Variants in PBX1 observed in about 807,000 individuals in gnomAD.
PBX1 encodes the protein PBX homeobox 1.
Under a neutral mutation model 53.4 loss-of-function variants are expected in PBX1, and 6 were observed. The ratio of observed to expected loss-of-function variants is 0.11; its 90% CI spans 0.06 to 0.22. The LOEUF (loss-of-function observed/expected upper bound fraction) is 0.22, where lower values mean the gene tolerates loss of function less well. Ranked by LOEUF, PBX1 falls within the 10% of genes least tolerant of loss-of-function variation. PBX1 has a pLI of 1.00. For synonymous variants in PBX1, 204 were observed against 212.3 expected (o/e 0.96, Z 0.34); for missense variants, 251 against 551.4 (o/e 0.46, Z 5.46).
At chr1:164,710,912 T>C (rs559257104) in intron 2 of PBX1, among the ~76,000 whole-genome samples, 1 of 152,326 alleles carries the variant, frequency 6.6e-6, no homozygotes, top group African/African-American at 2.4e-5. Flanking sequence ...CTTACCTTCC[T>C]CCAAGTCCCA....
rs535645994 is a variant in PBX1 at position 164,751,551 on chromosome 1, A to C, written c.266-40943A>C. 2.7e-5 allele frequency among the ~76,000 whole-genome samples: 4 copies of C among 145,620 alleles called. 1 individual carries two copies. Among genetic ancestry groups the C allele is most frequent in the African/African-American group, 1.0e-4 (4 of 39,142 alleles). Reference sequence around the variant, plus strand: ...CATTTTTTATAGACATGGGTTATTTATGTTCAAATGTAATGGGTTTATTGC... The same window carrying C: ...CATTTTTTATAGACATGGGTTATTTCTGTTCAAATGTAATGGGTTTATTGC... On this transcript the variant is annotated intron_variant, in intron 2 of 8. Transcript: ENST00000420696.
intron 2 of PBX1, among the ~76,000 whole-genome samples, chr1:164,736,214 G>A (rs1463044510): frequency 3.3e-5 from 5 of 152,128 alleles, no homozygotes; most frequent in Non-Finnish European, 5.9e-5. Flanking sequence ...GAATTGCCCT[G>A]CTTAAGCCTC....
Position 164,848,164 on chromosome 1 carries a change from A to G in PBX1, c.*1488A>G. 2 of 1,049,920 alleles carry G rather than the reference A, an allele frequency of 1.9e-6. No homozygotes were observed. The highest frequency in any genetic ancestry group is 1.1e-6 in the Non-Finnish European group (1 of 869,616). The allele number at this position is 1,049,920 out of a possible 1,614,324, so 65.0% of individuals were successfully genotyped here. A position where few individuals can be genotyped will look rare whatever the true frequency, so the allele number is the denominator to read the frequency against. On this transcript the variant is annotated 3_prime_UTR_variant, in exon 9 of 9. Coordinates refer to ENST00000420696, the MANE Select transcript of PBX1 (RefSeq NM_002585.4). ...GTAATGTTTTCATTGAAATCATCAC[A>G]GTGATTTTTATTCCCTGGGAACACA...
chr1:164,573,482 A>G (rs1049300853), intron 2 of PBX1, among the ~76,000 whole-genome samples: 1 of 143,424 alleles, frequency 7.0e-6, no homozygotes, highest in Non-Finnish European at 1.5e-5. Flanking sequence ...TTTACAGCAC[A>G]TCTTTTTTTT....
At chr1:164,873,348 T>C (rs112575485) in intron 2 of PBX1, among the ~76,000 whole-genome samples, 17 of 152,368 alleles carry the variant, frequency 1.1e-4, no homozygotes, top group African/African-American at 3.1e-4. Context: ...TCCTAAGAAG[T>C]AGAGGACTGT....
intron 2 of PBX1, among the ~76,000 whole-genome samples, chr1:164,876,340 C>G (rs796926941): frequency 1.3e-5 from 2 of 151,424 alleles, no homozygotes; most frequent in Admixed American, 6.6e-5. Context: ...GTCTCCTCTG[C>G]TAGGAGGCCG....
At chr1:164,570,321 C>T (rs575838388) in intron 2 of PBX1, among the ~76,000 whole-genome samples, 93 of 152,288 alleles carry the variant, frequency 6.1e-4, no homozygotes, top group African/African-American at 2.1e-3. Flanking sequence ...AACCCGTCAT[C>T]TACATTAGGT....
chr1:164,795,849 A>T (rs1211897290), intron 3 of PBX1, among the ~76,000 whole-genome samples: 1 of 152,204 alleles, frequency 6.6e-6, no homozygotes, highest in South Asian at 2.1e-4. Context: ...TGGTTACTTA[A>T]TAATTAATTT....
chr1:164,735,250 A>C (rs1665202902), intron 2 of PBX1, among the ~76,000 whole-genome samples: 1 of 152,350 alleles, frequency 6.6e-6, no homozygotes, highest in Middle Eastern at 3.4e-3. Flanking sequence ...GAAAGGGCCA[A>C]AATAAATATC....
At chr1:164,762,028 A>T (rs1666841893) in intron 2 of PBX1, among the ~76,000 whole-genome samples, 1 of 152,134 alleles carries the variant, frequency 6.6e-6, no homozygotes, top group Admixed American at 6.6e-5. Context: ...CAATATATAT[A>T]TTTTTTAATT....
chr1:164,718,309 A>G (rs1664220557), intron 2 of PBX1, among the ~76,000 whole-genome samples: 1 of 152,216 alleles, frequency 6.6e-6, no homozygotes, highest in Non-Finnish European at 1.5e-5. Flanking sequence ...TTCATCATAC[A>G]CAACCTCCAC....
At chr1:164,643,277 C>G (rs576811038) in intron 2 of PBX1, among the ~76,000 whole-genome samples, 1 of 152,136 alleles carries the variant, frequency 6.6e-6, no homozygotes, top group South Asian at 2.1e-4. Context: ...GCCATTTACT[C>G]TCCAGATTTA....
chr1:164,664,886 A>G (rs148392340), intron 2 of PBX1, among the ~76,000 whole-genome samples: 14 of 122,680 alleles, frequency 1.1e-4, no homozygotes, highest in South Asian at 8.9e-4. Context: ...CCATGATTCA[A>G]TTACCTCCCA....
intron 2 of PBX1, among the ~76,000 whole-genome samples, chr1:164,697,905 G>A (rs908758193): frequency 2.6e-5 from 4 of 152,286 alleles, no homozygotes; most frequent in South Asian, 2.1e-4. Flanking sequence ...AAGAAGAGAC[G>A]TATCAGGAAC....
At chr1:164,772,013 G>A (rs1667398512) in intron 2 of PBX1, among the ~76,000 whole-genome samples, 1 of 152,128 alleles carries the variant, frequency 6.6e-6, no homozygotes, top group Non-Finnish European at 1.5e-5. Context: ...CAAGAATAGG[G>A]GGGAAAAAAA....
intron 6 of PBX1, among the ~76,000 whole-genome samples, chr1:164,812,437 T>C (rs1343625322): frequency 6.6e-6 from 1 of 152,196 alleles, no homozygotes; most frequent in Non-Finnish European, 1.5e-5. Context: ...TAAATTCTCC[T>C]CTCAGGGATA....
intron 8 of PBX1, among the ~76,000 whole-genome samples, chr1:164,834,615 G>C (rs907068884): frequency 6.6e-6 from 1 of 152,116 alleles, no homozygotes; most frequent in Non-Finnish European, 1.5e-5. Context: ...AAAGTGGTGG[G>C]ATTACAGGCG....
intron 2 of PBX1, among the ~76,000 whole-genome samples, chr1:164,637,501 G>C (rs772161699): frequency 2.4e-4 from 36 of 152,186 alleles, no homozygotes; most frequent in Admixed American, 2.0e-4. Flanking sequence ...GGGATTTTGG[G>C]CATCTGTTTT....
intron 2 of PBX1, among the ~76,000 whole-genome samples, chr1:164,673,168 A>G (rs1443326154): frequency 6.6e-6 from 1 of 152,184 alleles, no homozygotes; most frequent in East Asian, 1.9e-4. Context: ...TATAAATGCC[A>G]TGAAAATGAT....
Sources: gnomAD v4.1 joint callset for allele counts (sites outside exome capture counted in the v4.1 genomes callset) on GRCh38, gnomAD v4.1.1 for gene constraint, MANE v1.5 for transcripts, NCBI Gene and HGNC (gene_info 2026-07-23, HGNC 2026-07-21) for gene names.